Variants in CDYL2 observed in about 807,000 individuals in gnomAD.
CDYL2 encodes the protein chromodomain Y-like protein 2.
Under a neutral mutation model 49.4 loss-of-function variants are expected in CDYL2, and 23 were observed. The ratio of observed to expected loss-of-function variants is 0.47; its 90% CI spans 0.34 to 0.66. The LOEUF (loss-of-function observed/expected upper bound fraction) is 0.66, where lower values mean the gene tolerates loss of function less well. Among genes scored for constraint, CDYL2 ranks in the 30% least tolerant of loss-of-function variants. The pLI is 0.01. For missense variants in CDYL2, 678 were observed against 656.4 expected, an observed-to-expected ratio of 1.03 and a Z score of -0.36; for synonymous variants, 360 against 268.8, an observed-to-expected ratio of 1.34 and a Z score of -3.32.
chr16:80,725,875 A>G lies in CDYL2; in HGVS notation c.25-40746T>C, dbSNP rs151137600. Among the ~76,000 whole-genome samples the G allele has an allele frequency of 5.9e-5, 9 of 152,308 alleles. No homozygotes were observed. The East Asian group carries it at 1.7e-3, about 29-fold the overall frequency. Reference sequence around the variant, plus strand: ...CAAATTCTCACTTGTTACAAAAATTATTGGTGCCATTCAACCCACAGCTTC... The same window carrying G: ...CAAATTCTCACTTGTTACAAAAATTGTTGGTGCCATTCAACCCACAGCTTC... On this transcript the variant is annotated intron_variant, in intron 1 of 6. Transcript: ENST00000570137.
rs73590502 is a variant in CDYL2, at chr16:80,620,213, C to A, written c.1007+550G>T. 1.2e-3 allele frequency among the ~76,000 whole-genome samples: 186 copies of A among 152,344 alleles called. 1 individual carries two copies. Among genetic ancestry groups the A allele is most frequent in the African/African-American group, 4.4e-3 (184 of 41,582 alleles). On this transcript the variant is annotated intron_variant, in intron 4 of 6. Coordinates refer to ENST00000570137, the MANE Select transcript of CDYL2 (RefSeq NM_152342.4). ...CCCAAAAGGGTACTCATTGTTGGGA[C>A]TGGATGTCACCGCCAGGATCCCAAC...
chr16:80,801,382 T>C (rs115503604), intron 1 of CDYL2, among the ~76,000 whole-genome samples: 2,104 of 152,340 alleles, frequency 0.014, 46 homozygotes, highest in African/African-American at 0.048. Flanking sequence ...CTGGTGTCTT[T>C]AAAAATCAGC....
chr16:80,624,464 T>C (rs1243023908), intron 3 of CDYL2, among the ~76,000 whole-genome samples: 3 of 152,066 alleles, frequency 2.0e-5, no homozygotes, highest in African/African-American at 7.2e-5. Context: ...GCTAGTAATA[T>C]CCCTGAGGTG....
At chr16:80,667,979 A>G (rs1909339093) in intron 2 of CDYL2, among the ~76,000 whole-genome samples, 1 of 152,258 alleles carries the variant, frequency 6.6e-6, no homozygotes, top group South Asian at 2.1e-4. Flanking sequence ...CCAGGGAGAG[A>G]CACAAGTGGA....
chr16:80,789,165 C>T (rs548400041), intron 1 of CDYL2, among the ~76,000 whole-genome samples: 1 of 152,210 alleles, frequency 6.6e-6, no homozygotes, highest in East Asian at 1.9e-4. Context: ...CACTCATACA[C>T]TATTGCTGGG....
intron 1 of CDYL2, among the ~76,000 whole-genome samples, chr16:80,797,802 G>A (rs1166558224): frequency 6.6e-6 from 1 of 152,012 alleles, no homozygotes; most frequent in Admixed American, 6.5e-5. Context: ...CACTCCCTTA[G>A]TTCAAGCCAC....
chr16:80,618,393 C>T (rs1331985505), intron 4 of CDYL2, among the ~76,000 whole-genome samples: 11 of 152,208 alleles, frequency 7.2e-5, no homozygotes, highest in African/African-American at 2.7e-4. Context: ...GCAGCAGACC[C>T]CAATGGGTAG....
At chr16:80,739,512 T>A (rs930970976) in intron 1 of CDYL2, among the ~76,000 whole-genome samples, 2 of 152,028 alleles carry the variant, frequency 1.3e-5, no homozygotes, top group Non-Finnish European at 2.9e-5. Flanking sequence ...TTTGGAGGTG[T>A]CATAGGACAA....
At chr16:80,657,690 A>G (rs1005221653) in intron 2 of CDYL2, among the ~76,000 whole-genome samples, 2 of 152,164 alleles carry the variant, frequency 1.3e-5, no homozygotes, top group African/African-American at 2.4e-5. Flanking sequence ...CATTATCTTC[A>G]TTGTGGGGGA....
At chr16:80,652,933 T>C (rs1908647720) in intron 2 of CDYL2, among the ~76,000 whole-genome samples, 1 of 152,168 alleles carries the variant, frequency 6.6e-6, no homozygotes, top group African/African-American at 2.4e-5. Context: ...TAAGGAGGCA[T>C]GATTAAACAT....
intron 1 of CDYL2, among the ~76,000 whole-genome samples, chr16:80,735,582 G>C (rs1366194943): frequency 6.6e-6 from 1 of 152,186 alleles, no homozygotes; most frequent in Non-Finnish European, 1.5e-5. Context: ...CTAGAGGGAA[G>C]GGAGGGAATT....
At chr16:80,789,370 A>AG (rs1179264461) in intron 1 of CDYL2, among the ~76,000 whole-genome samples, 2 of 152,268 alleles carry the variant, frequency 1.3e-5, no homozygotes, top group African/African-American at 4.8e-5. Flanking sequence ...TGGAAGGCCG[A>AG]GGGGGTGGAT....
intron 2 of CDYL2, among the ~76,000 whole-genome samples, chr16:80,649,930 A>G (rs1275703700): frequency 2.7e-5 from 4 of 149,140 alleles, no homozygotes; most frequent in South Asian, 2.1e-4. Context: ...GAATGAAACT[A>G]GGCCCCTATC....
At chr16:80,750,830 T>C (rs1175671788) in intron 1 of CDYL2, among the ~76,000 whole-genome samples, 1 of 152,026 alleles carries the variant, frequency 6.6e-6, no homozygotes, top group African/African-American at 2.4e-5. Context: ...CCATCGTGGC[T>C]AAACAGTGAA....
chr16:80,713,746 T>G (rs1904700717), intron 1 of CDYL2, among the ~76,000 whole-genome samples: 1 of 152,154 alleles, frequency 6.6e-6, no homozygotes. Flanking sequence ...AGTGACCCTA[T>G]GTGACTTCTA....
rs1906119851 is a variant in CDYL2, at chr16:80,602,202, C to G, written c.*2186G>C. 6.6e-6 allele frequency: 1 copy of G among 152,158 alleles called. No homozygotes were observed. The highest frequency in any genetic ancestry group is 2.4e-5 in the African/African-American group (1 of 41,434). The allele number at this position is 152,158 out of a possible 1,614,324, so 9.4% of individuals were successfully genotyped here. ...CTTTCTCAAAGGAGGAGATAAGATC[C>G]AGATAGAGCTGTGACAACAGGCATT... On this transcript the variant is annotated 3_prime_UTR_variant, in exon 7 of 7. Transcript: ENST00000570137.
chr16:80,653,142 C>T (rs1360409314), intron 2 of CDYL2, among the ~76,000 whole-genome samples: 2 of 152,304 alleles, frequency 1.3e-5, no homozygotes, highest in Admixed American at 1.3e-4. Context: ...TTTCGTGTTC[C>T]AATTTTTCTG....
intron 1 of CDYL2, among the ~76,000 whole-genome samples, chr16:80,746,843 G>A (rs567037550): frequency 2.6e-5 from 4 of 151,860 alleles, no homozygotes; most frequent in African/African-American, 9.7e-5. Flanking sequence ...TTAAAAAACT[G>A]AGCAGACTTT....
chr16:80,795,333 G>A (rs914450025), intron 1 of CDYL2, among the ~76,000 whole-genome samples: 1 of 152,160 alleles, frequency 6.6e-6, no homozygotes, highest in Non-Finnish European at 1.5e-5. Flanking sequence ...TGGGAGAGAT[G>A]GAATGACTGG....
Sources: allele counts gnomAD v4.1 joint callset (sites outside exome capture counted in the v4.1 genomes callset), GRCh38; gene constraint gnomAD v4.1.1; transcripts MANE v1.5; gene names NCBI Gene and HGNC (gene_info 2026-07-23, HGNC 2026-07-21).